The following GRID1 variants were observed in gnomAD, a reference collection of about 807,000 sequenced individuals.
The protein encoded by GRID1 is glutamate receptor ionotropic, delta-1.
A neutral mutation model predicts 98.0 loss-of-function variants in GRID1; 28 were observed. The observed-to-expected ratio is 0.29, with a 90% CI of 0.21 to 0.39. GRID1 has a LOEUF of 0.39. Among genes scored for constraint, GRID1 ranks in the 10% least tolerant of loss-of-function variants. GRID1 has a pLI of 1.00. For synonymous variants in GRID1, 553 were observed against 538.5 expected (o/e 1.03, Z -0.37); for missense variants, 1,111 against 1,340.5 (o/e 0.83, Z 2.67).
chr10:86,134,694 G>A (rs1844889870), intron 4 of GRID1, among the ~76,000 whole-genome samples: 1 of 152,076 alleles, frequency 6.6e-6, no homozygotes, highest in Non-Finnish European at 1.5e-5. Context: ...GAATACAGTA[G>A]GGATCCCCTG....
At chr10:86,185,094 A>C (rs1845710273) in intron 3 of GRID1, among the ~76,000 whole-genome samples, 1 of 152,092 alleles carries the variant, frequency 6.6e-6, no homozygotes, top group Admixed American at 6.5e-5. Context: ...TTTTAACAGT[A>C]ATGAGTCTTC....
chr10:86,018,333 T>C (rs1843005096), intron 4 of GRID1, among the ~76,000 whole-genome samples: 1 of 152,200 alleles, frequency 6.6e-6, no homozygotes, highest in African/African-American at 2.4e-5. Flanking sequence ...ATTCTGTAAG[T>C]GCCTGTAGCA....
intron 12 of GRID1, among the ~76,000 whole-genome samples, chr10:85,697,787 T>C (rs1015498943): frequency 5.3e-5 from 8 of 152,230 alleles, no homozygotes; most frequent in African/African-American, 1.9e-4. Flanking sequence ...GATCATTTTT[T>C]TTCTAACCAG....
intron 12 of GRID1, among the ~76,000 whole-genome samples, chr10:85,660,947 A>G (rs898613907): frequency 6.6e-6 from 1 of 152,178 alleles, no homozygotes; most frequent in African/African-American, 2.4e-5. Context: ...CATCTACACA[A>G]CAGGAATATT....
At chr10:85,840,887 C>A (rs1842955254) in intron 8 of GRID1, among the ~76,000 whole-genome samples, 1 of 152,142 alleles carries the variant, frequency 6.6e-6, no homozygotes, top group South Asian at 2.1e-4. Flanking sequence ...TAGAAAGAAT[C>A]AATATTGTTA....
At chr10:85,816,838 C>T (rs1446574660) in intron 8 of GRID1, among the ~76,000 whole-genome samples, 1 of 152,138 alleles carries the variant, frequency 6.6e-6, no homozygotes, top group East Asian at 1.9e-4. Context: ...GTATTTTTCT[C>T]TGATCCTCTC....
chr10:86,052,431 C>T (rs1279265203), intron 4 of GRID1: 1 of 152,096 alleles, frequency 6.6e-6, no homozygotes, highest in Non-Finnish European at 1.5e-5. Context: ...AAAGTTATTT[C>T]TTCAAAGACA....
intron 4 of GRID1, among the ~76,000 whole-genome samples, chr10:86,040,190 C>A (rs1843326443): frequency 6.6e-6 from 1 of 152,064 alleles, no homozygotes; most frequent in South Asian, 2.1e-4. Flanking sequence ...TATGCAGTTT[C>A]CTCAAAAACT....
chr10:85,606,276 G>C (rs1842662279), intron 15 of GRID1: 1 of 152,162 alleles, frequency 6.6e-6, no homozygotes, highest in African/African-American at 2.4e-5. Context: ...TCCGTGTCAA[G>C]ACACACAGAA....
chr10:85,808,038 A>G (rs1842638477), intron 8 of GRID1, among the ~76,000 whole-genome samples: 2 of 152,164 alleles, frequency 1.3e-5, no homozygotes, highest in South Asian at 4.1e-4. Context: ...CTTCAGGGAA[A>G]TGGCATGAAT....
intron 8 of GRID1, among the ~76,000 whole-genome samples, chr10:85,809,056 T>G (rs1183580372): frequency 6.6e-6 from 1 of 151,936 alleles, no homozygotes; most frequent in Non-Finnish European, 1.5e-5. Flanking sequence ...CACAAAAAAT[T>G]ATAAATACAG....
At chr10:85,769,728 A>C (rs1842237119) in intron 8 of GRID1, among the ~76,000 whole-genome samples, 2 of 152,216 alleles carry the variant, frequency 1.3e-5, no homozygotes, top group South Asian at 2.1e-4. Flanking sequence ...ATTGCTAACA[A>C]AGCAGTCTGA....
intron 2 of GRID1, among the ~76,000 whole-genome samples, chr10:86,212,306 C>A (rs1259729663): frequency 6.6e-6 from 1 of 152,216 alleles, no homozygotes; most frequent in African/African-American, 2.4e-5. Context: ...CCCATGCAGC[C>A]CCTGCAACTC....
intron 5 of GRID1, among the ~76,000 whole-genome samples, chr10:85,885,860 A>G (rs1841110071): frequency 6.6e-6 from 1 of 152,262 alleles, no homozygotes. Context: ...ATACATGTAT[A>G]GTATAATATA....
At chr10:85,776,590 G>A (rs534320736) in intron 8 of GRID1, among the ~76,000 whole-genome samples, 8 of 152,172 alleles carry the variant, frequency 5.3e-5, no homozygotes, top group Non-Finnish European at 1.2e-4. Context: ...AGCAGAAGGG[G>A]AGATCACTGC....
chr10:86,253,218 C>A (rs186312573), intron 2 of GRID1, among the ~76,000 whole-genome samples: 4 of 152,252 alleles, frequency 2.6e-5, no homozygotes, highest in Non-Finnish European at 4.4e-5. Flanking sequence ...AGCTCATCTG[C>A]ATGTGGCCAT....
chr10:86,059,126 C>T (rs1391776872), intron 4 of GRID1, among the ~76,000 whole-genome samples: 1 of 152,134 alleles, frequency 6.6e-6, no homozygotes, highest in Non-Finnish European at 1.5e-5. Context: ...CATGACAAAG[C>T]GGACCCATGG....
At chr10:86,105,436 AC>A (rs1312890380) in intron 4 of GRID1, among the ~76,000 whole-genome samples, 3 of 152,204 alleles carry the variant, frequency 2.0e-5, no homozygotes. Flanking sequence ...ATTCTGCACC[AC>A]GCTATCTCTT....
intron 2 of GRID1, among the ~76,000 whole-genome samples, chr10:86,290,987 A>T (rs944117634): frequency 2.0e-5 from 3 of 152,206 alleles, no homozygotes; most frequent in African/African-American, 7.2e-5. Flanking sequence ...TCCAGGTCCC[A>T]GTCCCTGAAA....
Sources: allele counts gnomAD v4.1 joint callset (sites outside exome capture counted in the v4.1 genomes callset), GRCh38; gene constraint gnomAD v4.1.1; transcripts MANE v1.5; gene names NCBI Gene and HGNC (gene_info 2026-07-23, HGNC 2026-07-21).